Variants in DNAH7 observed in about 807,000 individuals in gnomAD.
The protein encoded by DNAH7 is axonemal beta dynein heavy chain 7.
A neutral mutation model predicts 444.6 loss-of-function variants in DNAH7; 397 were observed. The observed-to-expected ratio is 0.89, with a 90% CI of 0.82 to 0.97. The LOEUF (loss-of-function observed/expected upper bound fraction) is 0.97. DNAH7 is among the 50% of genes least tolerant of loss of function. DNAH7 has a pLI of 0.00. For missense variants in DNAH7, 4,902 were observed against 4,800.8 expected (o/e 1.02, Z -0.62); for synonymous variants, 1,636 against 1,624.4 (o/e 1.01, Z -0.17).
At chr2:195,961,150 T>C (rs1484840061) in intron 17 of DNAH7, among the ~76,000 whole-genome samples, 1 of 152,174 alleles carries the variant, frequency 6.6e-6, no homozygotes, top group Non-Finnish European at 1.5e-5. Flanking sequence ...TACATATTTA[T>C]GGTACATAAC....
chr2:196,001,287 A>C (rs1694019173), intron 11 of DNAH7, among the ~76,000 whole-genome samples: 3 of 152,210 alleles, frequency 2.0e-5, no homozygotes, highest in Non-Finnish European at 2.9e-5. Context: ...TTCATGACCC[A>C]AATTTCCCAA....
At chr2:195,954,854 C>T (rs1041270765) in intron 19 of DNAH7, among the ~76,000 whole-genome samples, 1 of 152,142 alleles carries the variant, frequency 6.6e-6, no homozygotes, top group Non-Finnish European at 1.5e-5. Context: ...TCATATCCTT[C>T]ACCCACTTGT....
intron 63 of DNAH7, among the ~76,000 whole-genome samples, chr2:195,747,095 C>A (rs1184079490): frequency 6.6e-5 from 10 of 151,106 alleles, no homozygotes; most frequent in East Asian, 3.9e-4. Flanking sequence ...AATTGATAGA[C>A]CGCTAGCAAG....
intron 56 of DNAH7, among the ~76,000 whole-genome samples, chr2:195,796,166 T>A (rs1696124613): frequency 6.6e-6 from 1 of 152,142 alleles, no homozygotes. Flanking sequence ...GAGAAGTAAG[T>A]TAAAGAAAAG....
At chr2:195,963,024 A>G (rs1002883242) in intron 17 of DNAH7, among the ~76,000 whole-genome samples, 2 of 152,190 alleles carry the variant, frequency 1.3e-5, no homozygotes, top group Non-Finnish European at 2.9e-5. Flanking sequence ...CTCTTGCTGG[A>G]CACTTAGGCT....
chr2:195,876,545 ATTCTC>A lies in DNAH7; in HGVS notation c.6111_6115del (p.Lys2037AsnfsTer7). On this transcript the variant is annotated frameshift_variant and splice_region_variant, in exon 37 of 65. Transcript: ENST00000312428. LOFTEE classifies it high-confidence loss of function. Reference sequence around the variant, plus strand: ...GGGTACTGTACAAAGAGTCATTACCATTCTCTTGCCCAAAGGAGGACCAAAAACTC... The same window carrying A: ...GGGTACTGTACAAAGAGTCATTACCATTGCCCAAAGGAGGACCAAAAACTC... The A allele has an allele frequency of 6.2e-7, 1 of 1,613,692 alleles. No individual in the cohort carries two copies. The highest frequency in any genetic ancestry group is 8.5e-7 in the Non-Finnish European group (1 of 1,179,754).
At chr2:195,999,045 G>A in intron 12 of DNAH7, 1 of 708,428 alleles carries the variant, frequency 1.4e-6, no homozygotes, top group Non-Finnish European at 2.6e-6. Flanking sequence ...ATGCATGGGA[G>A]GGGCTGCCAG....
chr2:195,783,873 C>T (rs944497305), intron 58 of DNAH7, among the ~76,000 whole-genome samples: 1 of 152,044 alleles, frequency 6.6e-6, no homozygotes, highest in African/African-American at 2.4e-5. Flanking sequence ...GCATAACGTT[C>T]CAAATCACTC....
chr2:195,969,321 T>A (rs1691688568), intron 17 of DNAH7, among the ~76,000 whole-genome samples: 1 of 152,236 alleles, frequency 6.6e-6, no homozygotes, highest in African/African-American at 2.4e-5. Context: ...ACTAATAAGA[T>A]ATTAAGATCT....
At chr2:195,954,265 A>C (rs1690478015) in intron 19 of DNAH7, among the ~76,000 whole-genome samples, 1 of 152,098 alleles carries the variant, frequency 6.6e-6, no homozygotes, top group Admixed American at 6.6e-5. Context: ...CCTATGAGTG[A>C]GAACATGTGG....
chr2:195,766,689 AATTC>A (rs1694602693), intron 61 of DNAH7, among the ~76,000 whole-genome samples: 1 of 152,140 alleles, frequency 6.6e-6, no homozygotes, highest in Admixed American at 6.5e-5. Flanking sequence ...AAAAGAGAAT[AATTC>A]ATTGTTTGTA....
At chr2:196,004,262 G>A (rs890776184) in intron 10 of DNAH7, among the ~76,000 whole-genome samples, 4 of 152,176 alleles carry the variant, frequency 2.6e-5, no homozygotes, top group African/African-American at 7.2e-5. Flanking sequence ...AAGGAATATG[G>A]CAGTTATTCA....
rs770975149 is a variant in DNAH7 at position 195,988,103 on chromosome 2, A to G, written c.1480T>C (p.Tyr494His). 4 of 1,613,822 alleles carry G rather than the reference A, an allele frequency of 2.5e-6. No individual in the cohort carries two copies. The highest frequency in any genetic ancestry group is 3.4e-6 in the Non-Finnish European group (4 of 1,179,796). The change falls in exon 13 of 65, where the codon TAT becomes CAT. Residue 494 changes from tyrosine to histidine, a missense_variant. Transcript: ENST00000312428. ...GTAATTAAAAAGTCATACTTGTCAT[A>G]GAGTCTGAGGTGCTCAGTAGGTGCC... The part of the protein sequence containing the change: ...SVAPTEHLRL[Y>H]DKYDFLITRK...
At chr2:195,932,328 G>A (rs1400844948) in intron 21 of DNAH7, among the ~76,000 whole-genome samples, 3 of 152,114 alleles carry the variant, frequency 2.0e-5, no homozygotes, top group African/African-American at 2.4e-5. Context: ...GGCTGAGACA[G>A]TGGGGTTTTC....
intron 49 of DNAH7, among the ~76,000 whole-genome samples, chr2:195,822,700 T>G (rs546411467): frequency 1.3e-3 from 202 of 152,306 alleles, no homozygotes; most frequent in African/African-American, 4.7e-3. Context: ...CACAGCACTT[T>G]ATGACTCCTA....
At chr2:195,742,836 G>C (rs549273981) in intron 63 of DNAH7, among the ~76,000 whole-genome samples, 16 of 152,324 alleles carry the variant, frequency 1.1e-4, no homozygotes, top group African/African-American at 3.8e-4. Context: ...TTAGGTAATT[G>C]CATCTACAAT....
At chr2:195,953,140 G>A (rs904231844) in intron 19 of DNAH7, among the ~76,000 whole-genome samples, 16 of 152,138 alleles carry the variant, frequency 1.1e-4, no homozygotes, top group African/African-American at 3.9e-4. Flanking sequence ...TTTTGTTGAT[G>A]TTGATGCTAA....
chr2:195,860,242 T>C (rs1228932699), intron 42 of DNAH7, among the ~76,000 whole-genome samples: 1 of 152,182 alleles, frequency 6.6e-6, no homozygotes, highest in East Asian at 1.9e-4. Flanking sequence ...TATAATCCTT[T>C]TTTTTGTTAG....
chr2:195,865,897 TTC>T (rs1437263818), intron 40 of DNAH7, among the ~76,000 whole-genome samples: 1 of 152,172 alleles, frequency 6.6e-6, no homozygotes, highest in Non-Finnish European at 1.5e-5. Context: ...TGGTTCTTGT[TTC>T]TGTTGGGCAG....
Sources: gnomAD v4.1 joint callset for allele counts (sites outside exome capture counted in the v4.1 genomes callset) on GRCh38, gnomAD v4.1.1 for gene constraint, MANE v1.5 for transcripts, NCBI Gene and HGNC (gene_info 2026-07-23, HGNC 2026-07-21) for gene names.